Variants in APC2 observed in about 807,000 individuals in gnomAD.
The protein encoded by APC2 is adenomatous polyposis coli protein 2.
APC2 carries 41 observed loss-of-function variants against 72.5 expected under a neutral mutation model. The observed-to-expected ratio is 0.57, with a 90% CI of 0.44 to 0.73. The LOEUF (loss-of-function observed/expected upper bound fraction) is 0.73, where lower values mean the gene tolerates loss of function less well. Ranked by LOEUF, APC2 falls within the 30% of genes least tolerant of loss-of-function variation. APC2 has a pLI of 0.00. For missense variants in APC2, 3,729 were observed against 3,403.4 expected (o/e 1.10, Z -2.38); for synonymous variants, 1,898 against 1,612.0 (o/e 1.18, Z -4.25).
chr19:1,448,320 G>A (rs912037975), upstream of APC2, among the ~76,000 whole-genome samples: 5 of 152,110 alleles, frequency 3.3e-5, no homozygotes, highest in Non-Finnish European at 7.4e-5. Context: ...CCTTCGAGGC[G>A]GGCGGATCAT....
At chr19:1,455,842 G>A (rs1211292864) in intron 6 of APC2, among the ~76,000 whole-genome samples, 1 of 152,204 alleles carries the variant, frequency 6.6e-6, no homozygotes, top group Non-Finnish European at 1.5e-5. Context: ...TCAGAGCCTG[G>A]GATGGACTAA....
chr19:1,458,103 G>A lies in APC2; in HGVS notation c.1303+43G>A, dbSNP rs576515497. The stretch of plus-strand genomic sequence containing the variant: ...TCTGGGAAGCCATCCTCCAGCCCCC[G>A]AACAGGTGGTGGCTCCTCGGCCGCT... On this transcript the variant is annotated intron_variant, in intron 10 of 14. Coordinates refer to ENST00000590469, the MANE Select transcript of APC2 (RefSeq NM_005883.3). 4.7e-5 allele frequency: 71 copies of A among 1,524,146 alleles called. No homozygotes were observed. In the Middle Eastern group the frequency reaches 5.5e-4, roughly 12 times the overall value. The allele number at this position is 1,524,146 out of a possible 1,614,324, so 94.4% of individuals were successfully genotyped here. A position where few individuals can be genotyped will look rare whatever the true frequency, so the allele number is the denominator to read the frequency against.
intron 10 of APC2, 127 bp from the exon 11 acceptor site, chr19:1,460,054 C>T: frequency 1.5e-6 from 2 of 1,307,908 alleles, no homozygotes; most frequent in Non-Finnish European, 2.1e-6. Context: ...CAGACTTGGG[C>T]CTGGAAGGGG....
rs781702680 is a variant in APC2 at position 1,468,893 on chromosome 19, G to A, written c.5592G>A (p.Pro1864=). 5.3e-6 allele frequency: 8 copies of A among 1,512,938 alleles called. No individual in the cohort carries two copies. In the East Asian group the frequency reaches 1.0e-4, roughly 19 times the overall value. The allele number at this position is 1,512,938 out of a possible 1,614,324, so 93.7% of individuals were successfully genotyped here. The change falls in exon 15 of 15, where the codon CCG becomes CCA. Residue 1864 remains proline (P), a synonymous_variant. Transcript: ENST00000590469. ...GCCAGCCCCCCAGAAGCGCCACACC[G>A]CCCGCCCGCCTCGCCAAGACCCCCT... The part of the protein sequence containing the change: ...TLSQPPRSAT[P]PARLAKTPSS...
intron 10 of APC2, among the ~76,000 whole-genome samples, chr19:1,459,742 G>A (rs190584660): frequency 1.3e-3 from 194 of 152,324 alleles, no homozygotes; most frequent in African/African-American, 4.4e-3. Context: ...AGTGAAGAGG[G>A]TGGGTGTGGC....
At chr19:1,457,831 A>C (rs1224171854) in intron 9 of APC2, 134 bp from the exon 10 acceptor site, 3 of 718,784 alleles carry the variant, frequency 4.2e-6, no homozygotes, top group East Asian at 2.8e-5. Flanking sequence ...TGGGAAAGGA[A>C]GTCCCAACTT....
In APC2 at chr19:1,469,863, G is replaced by C; in HGVS notation, c.6562G>C (p.Asp2188His). ...PAGPPPRKTSDAVVQTEEVAA... is the reference protein window; with the variant it reads ...PAGPPPRKTSHAVVQTEEVAA... ...CGGGCCCCCGCCGCGCAAGACCAGCGACGCCGTGGTCCAGACCGAGGAGGT... is the reference window on the plus strand; with the variant it reads ...CGGGCCCCCGCCGCGCAAGACCAGCCACGCCGTGGTCCAGACCGAGGAGGT... The change falls in exon 15 of 15, where the codon GAC becomes CAC. Residue 2188 changes from aspartate to histidine, a missense_variant. By Grantham distance (81) the Asp-to-His change is moderately conservative. Coordinates refer to ENST00000590469, the MANE Select transcript of APC2 (RefSeq NM_005883.3). 1 of 1,520,764 alleles carries C rather than the reference G, an allele frequency of 6.6e-7. No homozygotes were observed. Among genetic ancestry groups the C allele is most frequent in the Non-Finnish European group, 8.8e-7 (1 of 1,141,246 alleles). The allele number at this position is 1,520,764 out of a possible 1,614,324, so 94.2% of individuals were successfully genotyped here.
chr19:1,461,763 A>G, intron 13 of APC2, 200 bp from the exon 14 acceptor site: 2 of 562,532 alleles, frequency 3.6e-6, no homozygotes, highest in Non-Finnish European at 3.1e-6. Context: ...GAGGCAGGAG[A>G]ATCGCTTGAA....
Position 1,465,668 on chromosome 19 carries a change from G to T in APC2, c.2367G>T (p.Ala789=). Residue 789 remains alanine (A), a synonymous_variant, in exon 15 of 15, where the codon GCG becomes GCT. Coordinates refer to ENST00000590469, the MANE Select transcript of APC2 (RefSeq NM_005883.3). ...ACGATGCACCGTCATCCCTGGCTGCGGCCGCGGCCACCGGGGAGCCAGCCA... is the reference window on the plus strand; with the variant it reads ...ACGATGCACCGTCATCCCTGGCTGCTGCCGCGGCCACCGGGGAGCCAGCCA... ...DDDDAPSSLA[A]AAATGEPASP... 3 of 1,598,566 alleles carry T rather than the reference G, an allele frequency of 1.9e-6. No homozygotes were observed. The highest frequency in any genetic ancestry group is 1.1e-5 in the South Asian group (1 of 89,198).
chr19:1,456,659 C>A (rs2656872), intron 8 of APC2, among the ~76,000 whole-genome samples, 194 bp from the exon 9 acceptor site: 9,511 of 152,102 alleles, frequency 0.063, 960 homozygotes, highest in African/African-American at 0.22. Flanking sequence ...TGCGCGGCCA[C>A]CCTAGGAATG....
At chr19:1,461,581 G>T (rs150181822) in intron 13 of APC2, 3 of 309,556 alleles carry the variant, frequency 9.7e-6, no homozygotes, top group East Asian at 7.3e-5. Context: ...GGCCGGGCGC[G>T]GTGGCTCTTG....
chr19:1,454,421 C>T (rs2083786327), intron 4 of APC2, among the ~76,000 whole-genome samples: 1 of 151,766 alleles, frequency 6.6e-6, no homozygotes, highest in Admixed American at 6.6e-5. Context: ...CTCTGTCACC[C>T]AGGCTGGAGT....
chr19:1,466,556 C>G lies in APC2; in HGVS notation c.3255C>G (p.Ser1085Arg), dbSNP rs772202544. 6.3e-7 allele frequency: 1 copy of G among 1,581,838 alleles called. No individual in the cohort carries two copies. Among genetic ancestry groups the G allele is most frequent in the Non-Finnish European group, 8.5e-7 (1 of 1,171,822 alleles). The stretch of plus-strand genomic sequence containing the variant: ...CCTCGGCCGGCCGCCCAGGCCCCAG[C>G]GAGGGTGGTGACCTGGATGACAGTG... ...SLSSAGRPGP[S>R]EGGDLDDSDS... is the part of the protein sequence containing the mutation. Residue 1085 changes from serine to arginine, a missense_variant, in exon 15 of 15, where the codon AGC becomes AGG. Transcript: ENST00000590469.
rs561822550 is a variant in APC2, at chr19:1,457,697, C to T, written c.1208-268C>T. Reference sequence around the variant, plus strand: ...TGGACAACAGAGCGAGACCCTGTCTCGTCAGTTTTATTTTTAAAAAGGGCA... The same window carrying T: ...TGGACAACAGAGCGAGACCCTGTCTTGTCAGTTTTATTTTTAAAAAGGGCA... On this transcript the variant is annotated intron_variant, in intron 9 of 14. Transcript: ENST00000590469. The T allele has an allele frequency of 2.6e-4, 146 of 551,646 alleles. 1 individual carries two copies. The highest frequency in any genetic ancestry group is 2.6e-3 in the African/African-American group (138 of 52,522). The allele number at this position is 551,646 out of a possible 1,614,324, so 34.2% of individuals were successfully genotyped here. A position where few individuals can be genotyped will look rare whatever the true frequency, so the allele number is the denominator to read the frequency against.
At position 1,453,259 on chromosome 19, in the gene APC2, C is replaced by A. The variant is rs974697930; in HGVS notation, c.154C>A (p.His52Asn). The change falls in exon 3 of 15, where the codon CAC becomes AAC. Residue 52 changes from histidine to asparagine, a missense_variant. By Grantham distance (68) the His-to-Asn change is moderately conservative. Transcript: ENST00000590469. ...ETSGMKEVLK[H>N]LQGKLEQEAR... ...CCCGCCCCTGCAGGAGGTCCTGAAGCACCTACAGGGAAAACTGGAGCAGGA... is the reference window on the plus strand; with the variant it reads ...CCCGCCCCTGCAGGAGGTCCTGAAGAACCTACAGGGAAAACTGGAGCAGGA... The A allele has an allele frequency of 1.9e-6, 3 of 1,565,540 alleles. No homozygotes were observed. The South Asian group carries it at 3.5e-5, about 18-fold the overall frequency.
rs755673277 is a variant in APC2 at position 1,465,885 on chromosome 19, T to G, written c.2584T>G (p.Ser862Ala). 15 of 1,571,990 alleles carry G rather than the reference T, an allele frequency of 9.5e-6. No individual in the cohort carries two copies. The highest frequency in any genetic ancestry group is 5.2e-6 in the Non-Finnish European group (6 of 1,163,750). Reference protein sequence around the residue: ...ARIDQLVEDISALHTSSDDSF... With the variant: ...ARIDQLVEDIAALHTSSDDSF... ...CATCGACCAGCTGGTGGAGGACATC[T>G]CCGCCCTGCACACCTCGTCCGACGA... The change falls in exon 15 of 15, where the codon TCC becomes GCC. Residue 862 changes from serine to alanine, a missense_variant. Ser to Ala is a moderately conservative substitution (Grantham distance 99). Coordinates refer to ENST00000590469, the MANE Select transcript of APC2 (RefSeq NM_005883.3).
At position 1,452,882 on chromosome 19, in the gene APC2, C is replaced by T; in HGVS notation, c.-18-102C>T. Reference sequence around the variant, plus strand: ...CCTGAGACCCCCCCCAACCCAGGATCAGGCAGGACGGCTGGGGCTTAGGTC... The same window carrying T: ...CCTGAGACCCCCCCCAACCCAGGATTAGGCAGGACGGCTGGGGCTTAGGTC... On this transcript the variant is annotated intron_variant, in intron 1 of 14. Coordinates refer to ENST00000590469, the MANE Select transcript of APC2 (RefSeq NM_005883.3). The surrounding 1 kb of genome is among the most constrained non-coding windows in gnomAD (Gnocchi z 5.1). The T allele has an allele frequency of 7.2e-7, 1 of 1,386,044 alleles. No individual in the cohort carries two copies. Among genetic ancestry groups the T allele is most frequent in the Non-Finnish European group, 9.7e-7 (1 of 1,033,626 alleles). The allele number at this position is 1,386,044 out of a possible 1,614,324, so 85.9% of individuals were successfully genotyped here.
intron 11 of APC2, 128 bp downstream of exon 11, chr19:1,460,448 C>T (rs113493139): frequency 4.5e-5 from 64 of 1,415,182 alleles, no homozygotes; most frequent in Admixed American, 6.0e-5. Flanking sequence ...AACTTACAGA[C>T]GGGTAGACTG....
chr19:1,453,005 G>A lies in APC2; in HGVS notation c.4G>A (p.Ala2Thr). 1 of 1,611,096 alleles carries A rather than the reference G, an allele frequency of 6.2e-7. No homozygotes were observed. Among genetic ancestry groups the A allele is most frequent in the Non-Finnish European group, 8.5e-7 (1 of 1,179,906 alleles). M[A>T]SSVAPYEQLV... is the part of the protein sequence containing the mutation. ...CCAGACGCTGCAGGAGCTGAAGATG[G>A]CGAGCTCCGTGGCGCCCTACGAGCA... is the stretch of plus-strand genomic sequence containing the variant. Residue 2 changes from alanine to threonine, a missense_variant, in exon 2 of 15, where the codon GCG becomes ACG. Coordinates refer to ENST00000590469, the MANE Select transcript of APC2 (RefSeq NM_005883.3).
Sources: allele counts gnomAD v4.1 joint callset (sites outside exome capture counted in the v4.1 genomes callset), GRCh38; gene constraint gnomAD v4.1.1; non-coding constraint Gnocchi (gnomAD v3.1); transcripts MANE v1.5; gene names NCBI Gene and HGNC (gene_info 2026-07-23, HGNC 2026-07-21).